Variants in C4orf50 observed in about 807,000 individuals in gnomAD.
C4orf50 encodes uncharacterized protein C4orf50.
Under a neutral mutation model 77.2 loss-of-function variants are expected in C4orf50, and 80 were observed. That is an observed-to-expected ratio of 1.04 (90% confidence interval 0.87 to 1.25). C4orf50 has a LOEUF of 1.25. Among genes scored for constraint, C4orf50 ranks in the 50% most tolerant of loss-of-function variants. The probability of loss-of-function intolerance (pLI) is 0.00; values close to 1 mark genes in which losing one functional copy is unlikely to be tolerated. For synonymous variants in C4orf50, 532 were observed against 465.3 expected (o/e 1.14, Z -1.84); for missense variants, 1,257 against 1,152.9 (o/e 1.09, Z -1.31).
At chr4:5,990,030 G>A in exon 28 of C4orf50, 1 of 1,361,600 alleles carries the variant, frequency 7.3e-7, no homozygotes, top group East Asian at 2.6e-5. Flanking sequence ...GAGCCCTGGA[G>A]AAGGTGGCTG....
At chr4:5,925,341 C>T (rs965999773) in intron 7 of C4orf50, among the ~76,000 whole-genome samples, 3 of 152,178 alleles carry the variant, frequency 2.0e-5, no homozygotes, top group Admixed American at 2.0e-4. Context: ...CCCCAACTCT[C>T]TTCGCAAAGG....
chr4:5,921,987 C>A (rs924016073), intron 7 of C4orf50, among the ~76,000 whole-genome samples: 2 of 152,140 alleles, frequency 1.3e-5, no homozygotes, highest in Non-Finnish European at 2.9e-5. Context: ...CCGAAGGAAC[C>A]TAATAACTAG....
At position 6,015,681 on chromosome 4, in the gene C4orf50, C is replaced by T. The variant is rs975491219; in HGVS notation, c.287+2464G>A. ...TCGGAATCAGTCTTCCTGAGCTAGT[C>T]GAGCTGTCAGTGGAGCCAAGCCCTC... On this transcript the variant is annotated intron_variant, in intron 23 of 33. Coordinates refer to ENST00000531445, the Ensembl canonical transcript of C4orf50. The surrounding 1 kb of genome is among the most constrained non-coding windows in gnomAD (Gnocchi z 4.4). 1.3e-5 allele frequency among the ~76,000 whole-genome samples: 2 copies of T among 152,088 alleles called. No homozygotes were observed. Among genetic ancestry groups the T allele is most frequent in the African/African-American group, 2.4e-5 (1 of 41,426 alleles).
At chr4:5,937,038 T>C (rs549657361) in intron 7 of C4orf50, among the ~76,000 whole-genome samples, 204 of 149,466 alleles carry the variant, frequency 1.4e-3, no homozygotes, top group African/African-American at 4.9e-3. Context: ...AAAAAAAAAA[T>C]AATGACATTC....
At chr4:6,003,897 T>TGTGATG (rs1721997573) in intron 25 of C4orf50, among the ~76,000 whole-genome samples, 1 of 68,354 alleles carries the variant, frequency 1.5e-5, no homozygotes, top group Non-Finnish European at 2.8e-5. Flanking sequence ...ATGGTGATGA[T>TGTGATG]GTGATGGTGA....
chr4:5,964,416 C>G (rs1316875567), intron 33 of C4orf50, among the ~76,000 whole-genome samples: 1 of 146,506 alleles, frequency 6.8e-6, no homozygotes, highest in Non-Finnish European at 1.5e-5. Flanking sequence ...GATGGAGATA[C>G]TGTCAGGCCT....
At chr4:5,922,284 CAGG>C (rs1419727098) in intron 7 of C4orf50, among the ~76,000 whole-genome samples, 1 of 152,206 alleles carries the variant, frequency 6.6e-6, no homozygotes, top group Admixed American at 6.5e-5. Context: ...CTCAGAATCC[CAGG>C]AGGTGTGTCT....
At chr4:5,973,634 G>A (rs201752144) in intron 31 of C4orf50, 25 bp downstream of exon 9, 4 of 1,589,930 alleles carry the variant, frequency 2.5e-6, no homozygotes, top group Non-Finnish European at 2.6e-6. Flanking sequence ...AGGAAGCACA[G>A]ACAGGGCCAT....
At chr4:5,977,131 C>T (rs769663911) in intron 29 of C4orf50, among the ~76,000 whole-genome samples, 18 of 152,152 alleles carry the variant, frequency 1.2e-4, no homozygotes, top group Admixed American at 7.9e-4. Context: ...GTGAGGCCGC[C>T]GGGGACCCCC....
Position 6,017,214 on chromosome 4 carries a change from C to G in C4orf50, c.287+931G>C, listed in dbSNP as rs1428055492. On this transcript the variant is annotated intron_variant, in intron 23 of 33. Coordinates refer to ENST00000531445, the Ensembl canonical transcript of C4orf50. The surrounding 1 kb of genome is among the most constrained non-coding windows in gnomAD (Gnocchi z 4.7). ...ATGACAGCAGAGTCCAAAGGCCAGA[C>G]AGAGACAGGCAGCCTGGATTAGCAA... 1.3e-5 allele frequency among the ~76,000 whole-genome samples: 2 copies of G among 152,220 alleles called. No homozygotes were observed. The highest frequency in any genetic ancestry group is 4.8e-5 in the African/African-American group (2 of 41,454).
Position 5,901,242 on chromosome 4 carries a change from G to A in C4orf50, c.*2475-3054C>T, listed in dbSNP as rs1220734400. The A allele has an allele frequency of 1.3e-5, 2 of 152,216 alleles. No homozygotes were observed. The highest frequency in any genetic ancestry group is 4.8e-5 in the African/African-American group (2 of 41,454). The allele number at this position is 152,216 out of a possible 1,614,324, so 9.4% of individuals were successfully genotyped here. A position where few individuals can be genotyped will look rare whatever the true frequency, so the allele number is the denominator to read the frequency against. ...TTGTTCATAATGGCACACAGTAGGT[G>A]TATAATAAATGTGCATTATATTAAT... On this transcript the variant is annotated intron_variant, in intron 7 of 7. Coordinates refer to the C4orf50 transcript ENST00000324058. This position sits in a 1 kb window ranked among gnomAD's most constrained non-coding sequence, Gnocchi z 4.4.
intron 31 of C4orf50, among the ~76,000 whole-genome samples, chr4:5,971,660 A>C (rs1234234703): frequency 6.6e-6 from 1 of 152,174 alleles, no homozygotes; most frequent in East Asian, 1.9e-4. Flanking sequence ...TGACTGAAAA[A>C]ATTTGATTTT....
intron 7 of C4orf50, among the ~76,000 whole-genome samples, chr4:5,915,173 TC>T (rs1465047356): frequency 6.6e-6 from 1 of 152,154 alleles, no homozygotes; most frequent in Non-Finnish European, 1.5e-5. Context: ...AATACCCCCT[TC>T]CTGGGTCCAC....
rs1722391425 is a variant in C4orf50, at chr4:6,009,387, A to C, written c.427-855T>G. Among the ~76,000 whole-genome samples the C allele has an allele frequency of 2.0e-5, 3 of 152,218 alleles. No homozygotes were observed. The highest frequency in any genetic ancestry group is 2.0e-4 in the Admixed American group (3 of 15,280). On this transcript the variant is annotated intron_variant, in intron 24 of 33. Coordinates refer to ENST00000531445, the Ensembl canonical transcript of C4orf50. The surrounding 1 kb of genome is among the most constrained non-coding windows in gnomAD (Gnocchi z 5.6). ...GCTCTTCTGCCGGGGAGCTTCCGGA[A>C]AACAAAAACAAACAAACTAAGAGCA...
chr4:5,906,870 T>A lies in C4orf50; in HGVS notation c.*2475-8682A>T, dbSNP rs139850557. Among the ~76,000 whole-genome samples, 457 of 152,312 alleles carry A rather than the reference T, an allele frequency of 3.0e-3. 1 individual carries two copies. Among genetic ancestry groups the A allele is most frequent in the African/African-American group, 9.7e-3 (405 of 41,568 alleles). Reference sequence around the variant, plus strand: ...AAGACAAAAATAAACCAGATTTAAATCCTTGAAGCTTATAAGACCATTGGT... The same window carrying A: ...AAGACAAAAATAAACCAGATTTAAAACCTTGAAGCTTATAAGACCATTGGT... On this transcript the variant is annotated intron_variant, in intron 7 of 7. Transcript: ENST00000324058.
chr4:5,928,918 G>C (rs1430003711), intron 7 of C4orf50, among the ~76,000 whole-genome samples: 1 of 152,146 alleles, frequency 6.6e-6, no homozygotes, highest in Non-Finnish European at 1.5e-5. Context: ...ATTTCTGGGG[G>C]GTTTTGACTT....
At chr4:5,929,174 A>G (rs2108743483) in intron 7 of C4orf50, among the ~76,000 whole-genome samples, 1 of 152,312 alleles carries the variant, frequency 6.6e-6, no homozygotes, top group South Asian at 2.1e-4. Flanking sequence ...ACTATTATAA[A>G]TCATAGCACG....
At chr4:5,960,703 T>A (rs925309393) in intron 33 of C4orf50, among the ~76,000 whole-genome samples, 1 of 152,124 alleles carries the variant, frequency 6.6e-6, no homozygotes, top group Non-Finnish European at 1.5e-5. Flanking sequence ...AGGACGGAAG[T>A]ACTGACTGCA....
Position 5,908,557 on chromosome 4 carries a change from C to G in C4orf50, c.*2475-10369G>C, listed in dbSNP as rs535156213. 2.0e-5 allele frequency among the ~76,000 whole-genome samples: 3 copies of G among 151,882 alleles called. No individual in the cohort carries two copies. The highest frequency in any genetic ancestry group is 7.3e-5 in the African/African-American group (3 of 41,364). ...ATGGCAGAGACTCCAAGCAGGGAGA[C>G]GACCATGCGATGGGGAGGGGGGAAA... On this transcript the variant is annotated intron_variant, in intron 7 of 7. Transcript: ENST00000324058. The surrounding 1 kb of genome is among the most constrained non-coding windows in gnomAD (Gnocchi z 5.6).
Sources: allele counts gnomAD v4.1 joint callset (sites outside exome capture counted in the v4.1 genomes callset), GRCh38; gene constraint gnomAD v4.1.1; non-coding constraint Gnocchi (gnomAD v3.1); transcripts MANE v1.5; gene names NCBI Gene and HGNC (gene_info 2026-07-23, HGNC 2026-07-21).